Variants in VEZT observed in about 807,000 individuals in gnomAD.
The protein encoded by VEZT is vezatin, adherens junctions transmembrane protein.
VEZT carries 39 observed loss-of-function variants against 79.9 expected under a neutral mutation model. The observed-to-expected ratio is 0.49, with a 90% CI of 0.38 to 0.64. The LOEUF is 0.64. VEZT is among the 30% of genes least tolerant of loss of function. The pLI is 0.00. For missense variants in VEZT, 837 were observed against 893.1 expected, an observed-to-expected ratio of 0.94 and a Z score of 0.80; for synonymous variants, 325 against 327.6, an observed-to-expected ratio of 0.99 and a Z score of 0.09.
intron 8 of VEZT, chr12:95,286,610 G>A (rs977390970): frequency 2.5e-5 from 11 of 444,010 alleles, no homozygotes; most frequent in African/African-American, 2.1e-4. Context: ...AGCTTTTTGA[G>A]AATTAAGAAA....
chr12:95,300,381 C>A lies in VEZT; in HGVS notation c.2048C>A (p.Pro683His). Residue 683 changes from proline to histidine, a missense_variant, in exon 12 of 12, where the codon CCC becomes CAC. Coordinates refer to ENST00000436874, the MANE Select transcript of VEZT (RefSeq NM_017599.4). The part of the protein sequence containing the change: ...NKDNSSNEVF[P>H]QGAEERMCYQ... ...GATAATTCTTCAAATGAAGTCTTCC[C>A]CCAAGGAGCAGAAGAAAGAATGTGT... The A allele has an allele frequency of 6.2e-7, 1 of 1,613,790 alleles. No homozygotes were observed. Among genetic ancestry groups the A allele is most frequent in the Non-Finnish European group, 8.5e-7 (1 of 1,179,830 alleles).
chr12:95,268,180 T>A (rs754280159), intron 5 of VEZT, among the ~76,000 whole-genome samples: 6 of 151,728 alleles, frequency 4.0e-5, no homozygotes, highest in Non-Finnish European at 5.9e-5. Flanking sequence ...TTTAAAAGTT[T>A]AAAAAAATCA....
At chr12:95,219,577 A>G (rs906199439) in intron 1 of VEZT, among the ~76,000 whole-genome samples, 12 of 152,224 alleles carry the variant, frequency 7.9e-5, no homozygotes, top group Non-Finnish European at 1.6e-4. Context: ...CACGTGTATC[A>G]TAATATAACC....
intron 1 of VEZT, among the ~76,000 whole-genome samples, chr12:95,221,848 A>G (rs1353029219): frequency 7.4e-6 from 1 of 135,218 alleles, no homozygotes; most frequent in Non-Finnish European, 1.5e-5. Context: ...ATAAATAAAT[A>G]AATACTCAAA....
At chr12:95,286,704 C>G (rs1471317692) in intron 8 of VEZT, 2 of 385,878 alleles carry the variant, frequency 5.2e-6, no homozygotes, top group East Asian at 1.3e-4. Context: ...AGGAAATATT[C>G]CACTTTCCCA....
At chr12:95,291,953 C>T (rs1322764202) in intron 9 of VEZT, among the ~76,000 whole-genome samples, 3 of 152,160 alleles carry the variant, frequency 2.0e-5, no homozygotes, top group Non-Finnish European at 4.4e-5. Flanking sequence ...CATGCACCAC[C>T]ATGCCCAGCT....
At position 95,218,047 on chromosome 12, in the gene VEZT, G is replaced by T. The variant is rs918850005; in HGVS notation, c.36+161G>T. ...ATTTCAGGGCCTAGAGTCCGTCGTC[G>T]CCTGACAGGTGTAGCCAGAGGCGCC... On this transcript the variant is annotated intron_variant, in intron 1 of 11. Transcript: ENST00000436874. 35 of 618,862 alleles carry T rather than the reference G, an allele frequency of 5.7e-5. No individual in the cohort carries two copies. The Admixed American group carries it at 1.0e-3, about 18-fold the overall frequency. The allele number at this position is 618,862 out of a possible 1,614,324, so 38.3% of individuals were successfully genotyped here.
In VEZT at chr12:95,259,187, TTC is replaced by T. The variant is rs1334074170; in HGVS notation, c.258+1950_258+1951del. On this transcript the variant is annotated intron_variant, in intron 3 of 11. Transcript: ENST00000436874. ...TGCTCTTATACTGTGATGGAATACT[TTC>T]TGTTTTTTTTTTCTTGATCCATTAG... 3.6e-3 allele frequency among the ~76,000 whole-genome samples: 434 copies of T among 118,934 alleles called. 5 individuals carry two copies. In the South Asian group the frequency reaches 0.042, roughly 11 times the overall value. 78.0% of individuals were successfully genotyped at this position (118,934 alleles called of 152,430 possible).
At chr12:95,245,692 C>T in intron 1 of VEZT, 1 of 386,216 alleles carries the variant, frequency 2.6e-6, no homozygotes. Context: ...ATAATAAAAG[C>T]ACTGTAGCCA....
intron 1 of VEZT, among the ~76,000 whole-genome samples, chr12:95,236,361 G>A (rs956057010): frequency 1.9e-4 from 29 of 152,306 alleles, no homozygotes; most frequent in African/African-American, 7.0e-4. Context: ...GCAGTGAGCC[G>A]AGATGGCAGC....
Position 95,256,466 on chromosome 12 carries a change from T to C in VEZT, c.169-684T>C, listed in dbSNP as rs2063504075. The C allele has an allele frequency of 1.1e-5, 8 of 720,350 alleles. No individual in the cohort carries two copies. The South Asian group carries it at 1.5e-4, about 14-fold the overall frequency. The allele number at this position is 720,350 out of a possible 1,614,324, so 44.6% of individuals were successfully genotyped here. On this transcript the variant is annotated intron_variant, in intron 2 of 11. Coordinates refer to ENST00000436874, the MANE Select transcript of VEZT (RefSeq NM_017599.4). Reference sequence around the variant, plus strand: ...TTTCAGACTTTACATTGATTGTAATTCTTTATATTGTCTCTTCTTCTATAC... The same window carrying C: ...TTTCAGACTTTACATTGATTGTAATCCTTTATATTGTCTCTTCTTCTATAC...
Position 95,286,469 on chromosome 12 carries a change from C to T in VEZT, c.1329-1195C>T, listed in dbSNP as rs113793190. 4,263 of 552,326 alleles carry T rather than the reference C, an allele frequency of 7.7e-3. 39 individuals carry two copies. The highest frequency in any genetic ancestry group is 8.2e-3 in the Non-Finnish European group (2,260 of 275,156). 34.2% of individuals were successfully genotyped at this position (552,326 alleles called of 1,614,324 possible). On this transcript the variant is annotated intron_variant, in intron 8 of 11. Transcript: ENST00000436874. ...AATTCTTCACTGCCATCTGTGGCACCAATTATTCTTTCAGGATCAAGACCT... is the reference window on the plus strand; with the variant it reads ...AATTCTTCACTGCCATCTGTGGCACTAATTATTCTTTCAGGATCAAGACCT...
Position 95,293,456 on chromosome 12 carries a change from A to C in VEZT, c.1523-816A>C, listed in dbSNP as rs1489339117. ...ATGATAGCCACCTGGATATGAGACT[A>C]AGTAACCCTGTCATTAAATACCAAA... is the stretch of plus-strand genomic sequence containing the variant. On this transcript the variant is annotated intron_variant, in intron 9 of 11. Transcript: ENST00000436874. 3.9e-5 allele frequency among the ~76,000 whole-genome samples: 6 copies of C among 152,354 alleles called. No individual in the cohort carries two copies. In the East Asian group the frequency reaches 1.2e-3, roughly 29 times the overall value.
chr12:95,230,919 C>G (rs2136852872), intron 1 of VEZT, among the ~76,000 whole-genome samples: 1 of 152,296 alleles, frequency 6.6e-6, no homozygotes, highest in East Asian at 1.9e-4. Context: ...GCTGTCCTTG[C>G]TTTTTAGTCA....
At chr12:95,256,954 A>G (rs1455998876) in intron 2 of VEZT, among the ~76,000 whole-genome samples, 196 bp from the exon 3 acceptor site, 1 of 152,216 alleles carries the variant, frequency 6.6e-6, no homozygotes, top group Non-Finnish European at 1.5e-5. Context: ...TAAAATCTCC[A>G]GGTGATCCTG....
In VEZT at chr12:95,285,298, GC is replaced by G. The variant is rs2070427486; in HGVS notation, c.1329-2364del. Among the ~76,000 whole-genome samples the G allele has an allele frequency of 2.0e-5, 3 of 147,110 alleles. No homozygotes were observed. In the South Asian group the frequency reaches 6.6e-4, roughly 32 times the overall value. On this transcript the variant is annotated intron_variant, in intron 8 of 11. Transcript: ENST00000436874. ...TCTCTACAAAAAAATACAAAAATTA[GC>G]CAGTCATGGTGGTACACGCCTGTAG...
intron 6 of VEZT, among the ~76,000 whole-genome samples, chr12:95,270,942 G>A (rs762113596): frequency 9.2e-5 from 14 of 152,300 alleles, no homozygotes; most frequent in Non-Finnish European, 1.3e-4. Flanking sequence ...AGACAACTTT[G>A]CCACTTCAGA....
intron 11 of VEZT, chr12:95,299,883 C>A: frequency 5.2e-6 from 1 of 192,888 alleles, no homozygotes. Context: ...GTTCAGGGAA[C>A]ACACTTTCAG....
intron 1 of VEZT, among the ~76,000 whole-genome samples, chr12:95,224,984 G>A (rs1048869204): frequency 2.6e-5 from 4 of 152,180 alleles, no homozygotes; most frequent in Non-Finnish European, 5.9e-5. Context: ...TGCTGCCACT[G>A]ATCTGACAGG....
Sources: allele counts gnomAD v4.1 joint callset (sites outside exome capture counted in the v4.1 genomes callset), GRCh38; gene constraint gnomAD v4.1.1; transcripts MANE v1.5; gene names NCBI Gene and HGNC (gene_info 2026-07-23, HGNC 2026-07-21).